MSR1: variants seen among roughly 807,000 people sequenced by gnomAD.
MSR1 encodes macrophage scavenger receptor types I and II.
In MSR1, 53 loss-of-function variants were observed where a neutral mutation model predicts 47.2. That is an observed-to-expected ratio of 1.12 (90% CI 0.90 to 1.41). The LOEUF is 1.41. Ranked by LOEUF, MSR1 falls within the 40% of genes most tolerant of loss-of-function variation. The pLI, the probability that MSR1 is intolerant of heterozygous loss-of-function variation, is 0.00. For synonymous variants in MSR1, 239 were observed against 185.6 expected, an observed-to-expected ratio of 1.29 and a Z score of -2.34; for missense variants, 786 against 546.9, an observed-to-expected ratio of 1.44 and a Z score of -4.36.
chr8:16,115,083 G>C lies in MSR1; in HGVS notation c.1223-4865C>G, dbSNP rs369552959. 8.5e-4 allele frequency among the ~76,000 whole-genome samples: 130 copies of C among 152,222 alleles called. 1 individual carries two copies. The highest frequency in any genetic ancestry group is 3.0e-3 in the African/African-American group (126 of 41,548). ...AATCCCAGCTACTTGGGAGGCTGAG[G>C]TAGGAGAATCGCTTGAACCTGGGAG... is the stretch of plus-strand genomic sequence containing the variant. On this transcript the variant is annotated intron_variant, in intron 9 of 9. Coordinates refer to ENST00000262101, the MANE Select transcript of MSR1 (RefSeq NM_138715.3).
intron 1 of MSR1, among the ~76,000 whole-genome samples, chr8:16,183,391 C>G (rs1392772069): frequency 6.6e-6 from 1 of 151,162 alleles, no homozygotes; most frequent in Non-Finnish European, 1.5e-5. Context: ...TCACTACAGC[C>G]TAAAGCAACC....
chr8:16,152,505 C>T (rs933944312), intron 6 of MSR1, among the ~76,000 whole-genome samples: 1 of 152,052 alleles, frequency 6.6e-6, no homozygotes, highest in Admixed American at 6.6e-5. Context: ...ATTCAGACTA[C>T]GTAAGGAAGT....
chr8:16,111,736 T>C (rs529803998), intron 9 of MSR1, among the ~76,000 whole-genome samples: 3 of 152,030 alleles, frequency 2.0e-5, no homozygotes, highest in Admixed American at 1.3e-4. Context: ...CAGGAAACAC[T>C]TATACATGTG....
intron 1 of MSR1, 82 bp from the exon 2 acceptor site, chr8:16,178,074 C>A: frequency 1.9e-6 from 2 of 1,078,096 alleles, no homozygotes; most frequent in Non-Finnish European, 2.8e-6. Flanking sequence ...ACTGAAATTT[C>A]AGTTTGAAAT....
intron 1 of MSR1, chr8:16,186,314 C>T (rs1801998877): frequency 2.1e-6 from 2 of 934,146 alleles, no homozygotes; most frequent in South Asian, 1.5e-5. Context: ...CTCCTATTTT[C>T]ACTCCCTTGG....
chr8:16,175,334 A>G lies in MSR1; in HGVS notation c.104-34T>C, dbSNP rs1034100340. 4.0e-6 allele frequency: 6 copies of G among 1,513,828 alleles called. No homozygotes were observed. The African/African-American group carries it at 5.5e-5, about 14-fold the overall frequency. The allele number at this position is 1,513,828 out of a possible 1,614,324, so 93.8% of individuals were successfully genotyped here. On this transcript the variant is annotated intron_variant, in intron 2 of 9. Transcript: ENST00000262101. Reference sequence around the variant, plus strand: ...ACAAAAAAGCCCAGCCTACTGTTAGAAAGTGTTGTCTTCTTCCATAATTAA... The same window carrying G: ...ACAAAAAAGCCCAGCCTACTGTTAGGAAGTGTTGTCTTCTTCCATAATTAA...
chr8:16,111,754 A>C (rs180895049), intron 9 of MSR1, among the ~76,000 whole-genome samples: 103 of 152,282 alleles, frequency 6.8e-4, no homozygotes, highest in African/African-American at 2.3e-3. Flanking sequence ...GTGATGTATT[A>C]TTCCATGCAA....
intron 8 of MSR1, chr8:16,120,842 T>C: frequency 1.8e-6 from 1 of 559,348 alleles, no homozygotes; most frequent in Non-Finnish European, 3.1e-6. Flanking sequence ...CTGTCTTACA[T>C]GTAAGTTATA....
intron 7 of MSR1, among the ~76,000 whole-genome samples, chr8:16,144,918 T>C (rs554618218): frequency 4.7e-4 from 71 of 152,220 alleles, no homozygotes; most frequent in African/African-American, 1.6e-3. Context: ...TTCTCTAGTT[T>C]ACATTGTCTT....
At chr8:16,135,237 GA>G (rs1389794100) in intron 8 of MSR1, among the ~76,000 whole-genome samples, 4 of 152,118 alleles carry the variant, frequency 2.6e-5, no homozygotes, top group African/African-American at 4.8e-5. Flanking sequence ...TCAAAGCTTT[GA>G]AGTATAGGCT....
rs533144039 is a variant in MSR1, at chr8:16,123,234, T to G, written c.1034-2628A>C. On this transcript the variant is annotated intron_variant, in intron 8 of 9. Coordinates refer to ENST00000262101, the MANE Select transcript of MSR1 (RefSeq NM_138715.3). Reference sequence around the variant, plus strand: ...TATTTTTCAGTTATAAATAAACTATTGACAGGTGACCACACATTGCTGATC... The same window carrying G: ...TATTTTTCAGTTATAAATAAACTATGGACAGGTGACCACACATTGCTGATC... 2.0e-5 allele frequency among the ~76,000 whole-genome samples: 3 copies of G among 152,266 alleles called. No homozygotes were observed. In the East Asian group the frequency reaches 5.8e-4, roughly 30 times the overall value.
At chr8:16,190,456 T>G (rs1011160001) in intron 1 of MSR1, among the ~76,000 whole-genome samples, 4 of 152,116 alleles carry the variant, frequency 2.6e-5, no homozygotes. Context: ...AAATAATACC[T>G]AAAAGTGGTT....
At chr8:16,153,163 G>T (rs1247028018) in intron 6 of MSR1, among the ~76,000 whole-genome samples, 1 of 151,992 alleles carries the variant, frequency 6.6e-6, no homozygotes, top group Non-Finnish European at 1.5e-5. Flanking sequence ...AGTTTAGTAG[G>T]CTCAAATGGA....
intron 1 of MSR1, among the ~76,000 whole-genome samples, chr8:16,188,634 A>G (rs1181510390): frequency 6.6e-6 from 1 of 151,616 alleles, no homozygotes; most frequent in African/African-American, 2.4e-5. Context: ...ATGCATTAGG[A>G]GTTTGTCCTA....
chr8:16,189,337 A>G (rs1434703902), intron 1 of MSR1, among the ~76,000 whole-genome samples: 2 of 129,786 alleles, frequency 1.5e-5, no homozygotes, highest in Non-Finnish European at 3.1e-5. Flanking sequence ...TTTCATATAT[A>G]TATAAAATCT....
At chr8:16,143,735 A>G in intron 7 of MSR1, 124 bp from the exon 8 acceptor site, 1 of 698,624 alleles carries the variant, frequency 1.4e-6, no homozygotes, top group Non-Finnish European at 2.5e-6. Context: ...GAAATGTATA[A>G]TAACATTGTA....
intron 3 of MSR1, 88 bp downstream of exon 3, chr8:16,175,099 T>C (rs1801602668): frequency 1.9e-6 from 2 of 1,043,772 alleles, no homozygotes; most frequent in South Asian, 1.3e-5. Context: ...ATGTACCATA[T>C]ACAAAAGACT....
chr8:16,181,100 C>G lies in MSR1; in HGVS notation c.-4-3108G>C, dbSNP rs77811242. Among the ~76,000 whole-genome samples the G allele has an allele frequency of 4.0e-3, 606 of 152,024 alleles. 24 individuals carry two copies. The East Asian group carries it at 0.098, about 25-fold the overall frequency. ...GAGCAGTTTTACTCACCAAGCAAAA[C>G]AAATGAACAAAAAAACCAAATAATT... On this transcript the variant is annotated intron_variant, in intron 1 of 9. Coordinates refer to ENST00000262101, the MANE Select transcript of MSR1 (RefSeq NM_138715.3).
At chr8:16,157,031 G>A (rs1358006963) in intron 5 of MSR1, among the ~76,000 whole-genome samples, 4 of 151,952 alleles carry the variant, frequency 2.6e-5, no homozygotes, top group African/African-American at 7.2e-5. Flanking sequence ...GAATTTTGTT[G>A]AGCTAATTGA....
Sources: allele counts gnomAD v4.1 joint callset (sites outside exome capture counted in the v4.1 genomes callset), GRCh38; gene constraint gnomAD v4.1.1; transcripts MANE v1.5; gene names NCBI Gene and HGNC (gene_info 2026-07-23, HGNC 2026-07-21).